The following LRMDA variants were observed in gnomAD, a reference collection of about 807,000 sequenced individuals.
The protein encoded by LRMDA is leucine-rich melanocyte differentiation-associated protein.
Under a neutral mutation model 29.8 loss-of-function variants are expected in LRMDA, and 18 were observed. The ratio of observed to expected loss-of-function variants is 0.60; its 90% confidence interval spans 0.42 to 0.90. The LOEUF (loss-of-function observed/expected upper bound fraction) is 0.90, where lower values mean the gene tolerates loss of function less well. LRMDA is among the 40% of genes least tolerant of loss of function. The probability of loss-of-function intolerance (pLI) is 0.00; values close to 1 mark genes in which losing one functional copy is unlikely to be tolerated. For synonymous variants in LRMDA, 125 were observed against 109.4 expected, an observed-to-expected ratio of 1.14 and a Z score of -0.89; for missense variants, 273 against 273.9, an observed-to-expected ratio of 1.00 and a Z score of 0.02.
chr10:75,873,205 A>G (rs1229978229), intron 2 of LRMDA, among the ~76,000 whole-genome samples: 1 of 152,188 alleles, frequency 6.6e-6, no homozygotes. Flanking sequence ...TAAGAATGCC[A>G]TTTCAATTAT....
At chr10:75,965,249 A>G (rs751123069) in intron 2 of LRMDA, among the ~76,000 whole-genome samples, 7 of 152,228 alleles carry the variant, frequency 4.6e-5, no homozygotes, top group Non-Finnish European at 1.0e-4. Flanking sequence ...CAAGCTGTCA[A>G]ATATTAATTA....
intron 2 of LRMDA, among the ~76,000 whole-genome samples, chr10:75,847,495 A>C (rs982330465): frequency 1.3e-5 from 2 of 152,182 alleles, no homozygotes; most frequent in African/African-American, 4.8e-5. Context: ...CAAAAACAAA[A>C]ATAGACAAAT....
chr10:75,977,638 A>G (rs939037340), intron 2 of LRMDA, among the ~76,000 whole-genome samples: 3 of 152,216 alleles, frequency 2.0e-5, no homozygotes, highest in African/African-American at 7.2e-5. Context: ...AGCATTTGCT[A>G]GGGCCCCCAG....
chr10:76,469,334 G>A (rs1842595386), intron 6 of LRMDA, among the ~76,000 whole-genome samples: 1 of 152,138 alleles, frequency 6.6e-6, no homozygotes. Context: ...GGTGAGGTCA[G>A]CCAAGAAGTC....
At chr10:76,376,589 G>A (rs1040105472) in intron 6 of LRMDA, among the ~76,000 whole-genome samples, 11 of 152,004 alleles carry the variant, frequency 7.2e-5, no homozygotes, top group Non-Finnish European at 1.3e-4. Context: ...ATGCAGGAGT[G>A]GAATTGCTGG....
intron 5 of LRMDA, among the ~76,000 whole-genome samples, chr10:76,323,835 A>G (rs1840801352): frequency 6.6e-6 from 1 of 152,222 alleles, no homozygotes; most frequent in African/African-American, 2.4e-5. Context: ...TCCCAAATCC[A>G]AATTTCAGAC....
rs150236297 is a variant in LRMDA at position 76,469,151 on chromosome 10, C to T, written c.602-88058C>T. Among the ~76,000 whole-genome samples the T allele has an allele frequency of 8.3e-3, 1,260 of 152,250 alleles. 23 individuals are homozygous for T. Among genetic ancestry groups the T allele is most frequent in the African/African-American group, 0.029 (1,205 of 41,548 alleles). On this transcript the variant is annotated intron_variant, in intron 6 of 6. Transcript: ENST00000611255. ...TTAAACCATGACCTGTTCCTTTCCTCCTCCCCGCAGCTTACTTTGAAGGAA... is the reference window on the plus strand; with the variant it reads ...TTAAACCATGACCTGTTCCTTTCCTTCTCCCCGCAGCTTACTTTGAAGGAA...
intron 6 of LRMDA, among the ~76,000 whole-genome samples, chr10:76,483,532 G>T (rs539285814): frequency 2.8e-4 from 42 of 151,902 alleles, no homozygotes; most frequent in Middle Eastern, 3.4e-3. Flanking sequence ...ATGATCTCCG[G>T]GGCTCCAGTG....
intron 2 of LRMDA, among the ~76,000 whole-genome samples, chr10:75,491,673 A>C (rs1844989385): frequency 6.6e-6 from 1 of 152,112 alleles, no homozygotes; most frequent in African/African-American, 2.4e-5. Context: ...AGAAACATAG[A>C]CACTTTCTCT....
chr10:75,458,330 G>A (rs1029635513), intron 2 of LRMDA, among the ~76,000 whole-genome samples: 4 of 152,144 alleles, frequency 2.6e-5, no homozygotes, highest in African/African-American at 2.4e-5. Flanking sequence ...TGCAAAGTTA[G>A]GGCTCTGTGG....
At chr10:76,259,166 G>T (rs892881211) in intron 5 of LRMDA, among the ~76,000 whole-genome samples, 1 of 152,126 alleles carries the variant, frequency 6.6e-6, no homozygotes, top group African/African-American at 2.4e-5. Flanking sequence ...TCTAAATGGG[G>T]TGAGATGCTA....
intron 6 of LRMDA, among the ~76,000 whole-genome samples, chr10:76,427,611 A>G (rs1043858105): frequency 7.2e-5 from 11 of 152,078 alleles, no homozygotes; most frequent in African/African-American, 2.7e-4. Context: ...CTCCTGCCTG[A>G]TTGCCCTGGC....
chr10:76,231,752 A>G (rs1196441709), intron 5 of LRMDA, among the ~76,000 whole-genome samples: 2 of 152,232 alleles, frequency 1.3e-5, no homozygotes, highest in East Asian at 3.8e-4. Context: ...TGTGGTAGTT[A>G]TTATCACAAA....
At chr10:76,289,700 C>T (rs1351696357) in intron 5 of LRMDA, among the ~76,000 whole-genome samples, 1 of 152,146 alleles carries the variant, frequency 6.6e-6, no homozygotes, top group African/African-American at 2.4e-5. Flanking sequence ...TAGCAAAAAC[C>T]TGGTGGCTGT....
At chr10:76,368,323 AT>A (rs1177735539) in intron 6 of LRMDA, among the ~76,000 whole-genome samples, 1 of 152,056 alleles carries the variant, frequency 6.6e-6, no homozygotes, top group African/African-American at 2.4e-5. Flanking sequence ...AGTTTGAAGC[AT>A]TTTTTTAATT....
chr10:75,793,620 C>T (rs1464700772), intron 2 of LRMDA, among the ~76,000 whole-genome samples: 1 of 152,100 alleles, frequency 6.6e-6, no homozygotes, highest in Non-Finnish European at 1.5e-5. Context: ...ATGAATAGTT[C>T]AGGTCCAGGA....
chr10:76,368,393 A>T (rs1841416779), intron 6 of LRMDA, among the ~76,000 whole-genome samples: 1 of 152,056 alleles, frequency 6.6e-6, no homozygotes. Flanking sequence ...TTTAATTTCC[A>T]TGTATTTGCA....
At chr10:75,979,612 T>C (rs1847130927) in intron 2 of LRMDA, among the ~76,000 whole-genome samples, 1 of 152,200 alleles carries the variant, frequency 6.6e-6, no homozygotes, top group African/African-American at 2.4e-5. Context: ...TCCCTGCTGA[T>C]AAACGCATCT....
Position 75,657,799 on chromosome 10 carries a change from C to T in LRMDA, c.131+219305C>T, listed in dbSNP as rs548219347. Among the ~76,000 whole-genome samples the T allele has an allele frequency of 6.6e-5, 10 of 152,150 alleles. No individual in the cohort carries two copies. In the East Asian group the frequency reaches 9.7e-4, roughly 15 times the overall value. On this transcript the variant is annotated intron_variant, in intron 2 of 6. Coordinates refer to ENST00000611255, the MANE Select transcript of LRMDA (RefSeq NM_001305581.2). The stretch of plus-strand genomic sequence containing the variant: ...TTTAAGCAATTTCGGTGCAGGGTAA[C>T]GGGTCCTAGGCTAAGAATAGACTCT...
Sources: allele counts gnomAD v4.1 joint callset (sites outside exome capture counted in the v4.1 genomes callset), GRCh38; gene constraint gnomAD v4.1.1; transcripts MANE v1.5; gene names NCBI Gene and HGNC (gene_info 2026-07-23, HGNC 2026-07-21).